The following TRPC7 variants were observed in gnomAD, a reference collection of about 807,000 sequenced individuals.
TRPC7 encodes the protein short transient receptor potential channel 7.
In TRPC7, 42 loss-of-function variants were observed where a neutral mutation model predicts 90.1. The observed-to-expected ratio is 0.47, with a 90% confidence interval of 0.36 to 0.60. The LOEUF (loss-of-function observed/expected upper bound fraction) is 0.60. Among genes scored for constraint, TRPC7 ranks in the 20% least tolerant of loss-of-function variants. TRPC7 has a pLI of 0.00. For synonymous variants in TRPC7, 451 were observed against 436.3 expected (o/e 1.03, Z -0.42); for missense variants, 955 against 1,112.3 (o/e 0.86, Z 2.01).
At chr5:136,281,780 A>G (rs1757559194) in intron 3 of TRPC7, among the ~76,000 whole-genome samples, 1 of 152,226 alleles carries the variant, frequency 6.6e-6, no homozygotes, top group South Asian at 2.1e-4. Flanking sequence ...TCAAGGGTTT[A>G]GAAAATACAG....
At chr5:136,325,077 GA>G (rs1759304972) in intron 2 of TRPC7, among the ~76,000 whole-genome samples, 1 of 151,966 alleles carries the variant, frequency 6.6e-6, no homozygotes. Context: ...TTTTTTTTAA[GA>G]AAGAGTTGCA....
At chr5:136,312,654 C>T (rs1758871225) in intron 3 of TRPC7, among the ~76,000 whole-genome samples, 1 of 152,154 alleles carries the variant, frequency 6.6e-6, no homozygotes, top group African/African-American at 2.4e-5. Context: ...TTCCCTTTAA[C>T]AGGTACTCCC....
chr5:136,251,493 C>T (rs1756514060), intron 6 of TRPC7, among the ~76,000 whole-genome samples, 156 bp downstream of exon 6: 1 of 152,174 alleles, frequency 6.6e-6, no homozygotes, highest in African/African-American at 2.4e-5. Flanking sequence ...GGAAAGGATG[C>T]TCTGCACTGA....
intron 3 of TRPC7, among the ~76,000 whole-genome samples, chr5:136,287,348 G>A (rs957391077): frequency 2.0e-5 from 3 of 148,584 alleles, no homozygotes; most frequent in Admixed American, 6.7e-5. Flanking sequence ...ATTAGGGCTT[G>A]GTGAAGAGGA....
intron 2 of TRPC7, among the ~76,000 whole-genome samples, chr5:136,343,753 G>A (rs999565788): frequency 1.3e-5 from 2 of 152,142 alleles, no homozygotes; most frequent in South Asian, 4.1e-4. Flanking sequence ...GATGGAAAAG[G>A]CATTACTCCC....
At chr5:136,221,432 C>T (rs1755457568) in intron 10 of TRPC7, among the ~76,000 whole-genome samples, 1 of 152,224 alleles carries the variant, frequency 6.6e-6, no homozygotes, top group African/African-American at 2.4e-5. Flanking sequence ...GCCCAAACTA[C>T]AAGAGGCCAA....
At chr5:136,325,140 T>C (rs1262949160) in intron 2 of TRPC7, among the ~76,000 whole-genome samples, 2 of 152,200 alleles carry the variant, frequency 1.3e-5, no homozygotes, top group African/African-American at 4.8e-5. Flanking sequence ...CATTAAATTG[T>C]CACAACTATT....
At chr5:136,327,344 A>C (rs1361242123) in intron 2 of TRPC7, among the ~76,000 whole-genome samples, 1 of 152,182 alleles carries the variant, frequency 6.6e-6, no homozygotes, top group Non-Finnish European at 1.5e-5. Context: ...ATTGGCAAGA[A>C]ACAGCAAGGG....
intron 10 of TRPC7, among the ~76,000 whole-genome samples, chr5:136,219,945 A>C (rs752984245): frequency 6.6e-6 from 1 of 152,230 alleles, no homozygotes; most frequent in Non-Finnish European, 1.5e-5. Context: ...GCGGGAAGTC[A>C]GGGACCCTGA....
At position 136,212,977 on chromosome 5, in the gene TRPC7, C is replaced by A. The variant is rs1238591464; in HGVS notation, c.*458G>T. Among the ~76,000 whole-genome samples, 1 of 152,072 alleles carries A rather than the reference C, an allele frequency of 6.6e-6. No homozygotes were observed. Among genetic ancestry groups the A allele is most frequent in the African/African-American group, 2.4e-5 (1 of 41,414 alleles). ...TGGCACTTAAGAATAGATCACAGGTCACCTCCTGGTTCTGTTTGGATGTGT... is the reference window on the plus strand; with the variant it reads ...TGGCACTTAAGAATAGATCACAGGTAACCTCCTGGTTCTGTTTGGATGTGT... On this transcript the variant is annotated 3_prime_UTR_variant, in exon 12 of 12. Transcript: ENST00000513104.
intron 7 of TRPC7, among the ~76,000 whole-genome samples, chr5:136,234,458 C>T (rs879339422): frequency 3.9e-5 from 6 of 152,126 alleles, no homozygotes; most frequent in South Asian, 2.1e-4. Flanking sequence ...TACAGGCGCG[C>T]GCCACTGTGC....
intron 3 of TRPC7, among the ~76,000 whole-genome samples, chr5:136,315,040 G>A (rs1758963963): frequency 6.6e-6 from 1 of 152,202 alleles, no homozygotes; most frequent in Non-Finnish European, 1.5e-5. Flanking sequence ...CTATTGAGGA[G>A]GTGGCATGAG....
chr5:136,299,340 C>CGT (rs529330866), intron 3 of TRPC7, among the ~76,000 whole-genome samples: 14,278 of 122,502 alleles, frequency 0.12, 938 homozygotes, highest in Non-Finnish European at 0.15. Flanking sequence ...GGGGTGTGTG[C>CGT]GTGTGTGTGT....
chr5:136,247,541 C>A lies in TRPC7; in HGVS notation c.1774G>T (p.Ala592Ser), dbSNP rs1487208100. 6.2e-7 allele frequency: 1 copy of A among 1,613,946 alleles called. No homozygotes were observed. The highest frequency in any genetic ancestry group is 8.5e-7 in the Non-Finnish European group (1 of 1,179,858). The stretch of plus-strand genomic sequence containing the variant: ...AGGTTGAACATCCCAATCATGAAGG[C>A]CACAAATACCATGATGAAAATGACC... ...FMVIFIMVFV[A>S]FMIGMFNLYS... The change falls in exon 7 of 12, where the codon GCC (alanine) becomes TCC (serine). Residue 592 changes from alanine to serine, a missense_variant. Transcript: ENST00000513104. This position sits in a 1 kb window ranked among gnomAD's most constrained non-coding sequence, Gnocchi z 4.2.
At chr5:136,285,411 G>T (rs1363785908) in intron 3 of TRPC7, among the ~76,000 whole-genome samples, 1 of 152,152 alleles carries the variant, frequency 6.6e-6, no homozygotes, top group Non-Finnish European at 1.5e-5. Context: ...CATGGAACCT[G>T]CCCAGTGGAC....
At chr5:136,330,525 G>T (rs1759467798) in intron 2 of TRPC7, among the ~76,000 whole-genome samples, 1 of 152,248 alleles carries the variant, frequency 6.6e-6, no homozygotes. Context: ...CCCTTGTAGT[G>T]CTCTAAAACC....
At chr5:136,283,690 G>A (rs193110530) in intron 3 of TRPC7, among the ~76,000 whole-genome samples, 1 of 152,282 alleles carries the variant, frequency 6.6e-6, no homozygotes, top group East Asian at 1.9e-4. Flanking sequence ...CTCATACTGA[G>A]CTTAGAAACC....
chr5:136,251,610 A>C, intron 6 of TRPC7, 39 bp downstream of exon 6: 20 of 1,493,636 alleles, frequency 1.3e-5, no homozygotes, highest in Non-Finnish European at 1.7e-5. Flanking sequence ...ACGTCCCGGA[A>C]GCGCCAAAAT....
rs1355122157 is a variant in TRPC7 at position 136,360,697 on chromosome 5, T to A, written c.3-3312A>T. Among the ~76,000 whole-genome samples, 6 of 152,230 alleles carry A rather than the reference T, an allele frequency of 3.9e-5. No homozygotes were observed. The East Asian group carries it at 9.7e-4, about 24-fold the overall frequency. ...GCAGAATTTAGCATTAAAAATGAAA[T>A]CTTATGAGCCTTAGAGTCATGTATG... is the stretch of plus-strand genomic sequence containing the variant. On this transcript the variant is annotated intron_variant, in intron 1 of 11. Coordinates refer to ENST00000513104, the MANE Select transcript of TRPC7 (RefSeq NM_020389.3).
Sources: gnomAD v4.1 joint callset for allele counts (sites outside exome capture counted in the v4.1 genomes callset) on GRCh38, gnomAD v4.1.1 for gene constraint, Gnocchi (gnomAD v3.1) non-coding constraint, MANE v1.5 for transcripts, NCBI Gene and HGNC (gene_info 2026-07-23, HGNC 2026-07-21) for gene names.